The following PMF1 variants were observed in gnomAD, a reference collection of about 807,000 sequenced individuals.
PMF1 encodes the protein polyamine modulated factor 1, also known as polyamine-modulated factor 1.
In PMF1, 21 loss-of-function variants were observed where a neutral mutation model predicts 26.7. That is an observed-to-expected ratio of 0.79 (90% CI 0.56 to 1.13). The LOEUF (loss-of-function observed/expected upper bound fraction) is 1.13, where lower values mean the gene tolerates loss of function less well. Ranked by LOEUF, PMF1 falls within the 50% of genes most tolerant of loss-of-function variation. The probability of loss-of-function intolerance (pLI) is 0.00; values close to 1 mark genes in which losing one functional copy is unlikely to be tolerated. For synonymous variants in PMF1, 105 were observed against 101.0 expected (o/e 1.04, Z -0.24); for missense variants, 266 against 254.9 (o/e 1.04, Z -0.30).
At position 156,233,732 on chromosome 1, in the gene PMF1, A is replaced by C. The variant is rs1449496753; in HGVS notation, c.368+4A>C. 1.2e-6 allele frequency: 2 copies of C among 1,601,300 alleles called. No homozygotes were observed. The highest frequency in any genetic ancestry group is 1.7e-6 in the Non-Finnish European group (2 of 1,170,846). On this transcript the variant is annotated splice_donor_region_variant and intron_variant, in intron 3 of 4. Coordinates refer to ENST00000368277, the MANE Select transcript of PMF1 (RefSeq NM_007221.4). ...AAGTCCGCAAAGAGCCAGCCTGGTGAGAGTGGGGTGGGGAGGTGAGAAGGT... is the reference window on the plus strand; with the variant it reads ...AAGTCCGCAAAGAGCCAGCCTGGTGCGAGTGGGGTGGGGAGGTGAGAAGGT...
chr1:156,231,412 G>C (rs1417859850), intron 1 of PMF1, among the ~76,000 whole-genome samples: 3 of 151,494 alleles, frequency 2.0e-5, no homozygotes, highest in Admixed American at 6.6e-5. Context: ...AAAAAGAAAA[G>C]TAGAAAATCA....
In PMF1 at chr1:156,232,301, C is replaced by T; in HGVS notation, c.162-19C>T. On this transcript the variant is annotated intron_variant, in intron 1 of 4. Transcript: ENST00000368277. The stretch of plus-strand genomic sequence containing the variant: ...TCATGCTTGGCCCTCCCCACCTTTG[C>T]TTCTCTCCTTCCCGCCAGCTACCAG... 6.2e-6 allele frequency: 10 copies of T among 1,613,082 alleles called. No individual in the cohort carries two copies. The highest frequency in any genetic ancestry group is 8.5e-6 in the Non-Finnish European group (10 of 1,179,182).
At chr1:156,236,165 C>T (rs1327718058) in intron 3 of PMF1, 123 bp from the exon 4 acceptor site, 2 of 1,366,690 alleles carry the variant, frequency 1.5e-6, no homozygotes, top group Non-Finnish European at 2.0e-6. Context: ...CAGGAGAGAC[C>T]TGGGAAGCCA....
At chr1:156,232,177 A>C in intron 1 of PMF1, 143 bp from the exon 2 acceptor site, 3 of 717,938 alleles carry the variant, frequency 4.2e-6, no homozygotes, top group Non-Finnish European at 7.3e-6. Flanking sequence ...CTTAGATGAG[A>C]GATTTGCATC....
At chr1:156,214,701 C>G (rs1657590776) in intron 1 of PMF1, among the ~76,000 whole-genome samples, 1 of 151,296 alleles carries the variant, frequency 6.6e-6, no homozygotes, top group African/African-American at 2.4e-5. Flanking sequence ...TATAACAGCC[C>G]CATTGCACTC....
At chr1:156,216,007 A>C (rs545497376) in intron 1 of PMF1, among the ~76,000 whole-genome samples, 1 of 152,252 alleles carries the variant, frequency 6.6e-6, no homozygotes, top group South Asian at 2.1e-4. Context: ...TTCTAGTTCT[A>C]GTAGGGTTCT....
chr1:156,213,404 C>T (rs757836232), intron 1 of PMF1, among the ~76,000 whole-genome samples: 1 of 152,186 alleles, frequency 6.6e-6, no homozygotes, highest in Non-Finnish European at 1.5e-5. Context: ...CAGGAAGCCC[C>T]GTTTTCACTA....
chr1:156,238,539 G>A (rs965736216), intron 4 of PMF1, among the ~76,000 whole-genome samples: 17 of 152,156 alleles, frequency 1.1e-4, no homozygotes, highest in East Asian at 9.6e-4. Flanking sequence ...CTCAAGTGGC[G>A]GCATCTCTGT....
intron 1 of PMF1, among the ~76,000 whole-genome samples, chr1:156,228,182 C>T (rs1444401313): frequency 6.7e-6 from 1 of 150,140 alleles, no homozygotes; most frequent in Non-Finnish European, 1.5e-5. Context: ...TGATCTGCTC[C>T]TGACCTCAGG....
At chr1:156,218,028 C>T (rs191611198) in intron 1 of PMF1, among the ~76,000 whole-genome samples, 115 of 152,316 alleles carry the variant, frequency 7.6e-4, no homozygotes, top group Admixed American at 1.8e-3. Context: ...ACCTTCTCAC[C>T]GTCACTGGGT....
chr1:156,222,801 G>GCCACCA (rs3055939), intron 1 of PMF1, among the ~76,000 whole-genome samples: 114 of 54,388 alleles, frequency 2.1e-3, no homozygotes, highest in African/African-American at 0.018. Context: ...ACAGGCGTGA[G>GCCACCA]TGTATGGCGA....
At chr1:156,237,446 C>CTTTT (rs33952725) in intron 4 of PMF1, among the ~76,000 whole-genome samples, 10 of 123,376 alleles carry the variant, frequency 8.1e-5, no homozygotes, top group Non-Finnish European at 1.5e-4. Flanking sequence ...TATTTTTTGT[C>CTTTT]TTTTTTTTTT....
chr1:156,216,111 C>T (rs1175167792), intron 1 of PMF1, among the ~76,000 whole-genome samples: 2 of 152,000 alleles, frequency 1.3e-5, no homozygotes, highest in Non-Finnish European at 1.5e-5. Flanking sequence ...TAAAATTGAG[C>T]CTGGCGCAGT....
chr1:156,226,855 G>C (rs1658398975), intron 1 of PMF1, among the ~76,000 whole-genome samples: 1 of 152,196 alleles, frequency 6.6e-6, no homozygotes, highest in Admixed American at 6.5e-5. Context: ...AGTATGCATT[G>C]GGTAGCTGGG....
chr1:156,237,867 C>T (rs1008759902), intron 4 of PMF1, among the ~76,000 whole-genome samples: 1 of 152,070 alleles, frequency 6.6e-6, no homozygotes, highest in Admixed American at 6.6e-5. Flanking sequence ...AGTGATTCTC[C>T]TGCTTCAGCC....
chr1:156,216,748 C>CGTGTCAG (rs1477792433), intron 1 of PMF1, among the ~76,000 whole-genome samples: 3 of 151,264 alleles, frequency 2.0e-5, no homozygotes, highest in East Asian at 3.9e-4. Context: ...CCGTGCCGTG[C>CGTGTCAG]GTGTCAGGCG....
At chr1:156,218,079 AGCGG>A (rs1256502893) in intron 1 of PMF1, among the ~76,000 whole-genome samples, 2 of 152,164 alleles carry the variant, frequency 1.3e-5, no homozygotes, top group Non-Finnish European at 2.9e-5. Context: ...CAGGTGTGAA[AGCGG>A]TATCTTGTTT....
intron 1 of PMF1, among the ~76,000 whole-genome samples, chr1:156,230,763 G>T (rs2103114226): frequency 6.6e-6 from 1 of 152,260 alleles, no homozygotes; most frequent in African/African-American, 2.4e-5. Flanking sequence ...GCAGAGACCT[G>T]ATTTAAAATC....
At chr1:156,239,133 C>T (rs191912958) in intron 4 of PMF1, among the ~76,000 whole-genome samples, 5 of 152,352 alleles carry the variant, frequency 3.3e-5, no homozygotes, top group African/African-American at 9.6e-5. Context: ...CTCTTAAAGC[C>T]ATGCCCCACC....
Sources: allele counts gnomAD v4.1 joint callset (sites outside exome capture counted in the v4.1 genomes callset), GRCh38; gene constraint gnomAD v4.1.1; transcripts MANE v1.5; gene names NCBI Gene and HGNC (gene_info 2026-07-23, HGNC 2026-07-21).